The following BCAS3 variants were observed in gnomAD, a reference collection of about 807,000 sequenced individuals.
The protein encoded by BCAS3 is BCAS4/BCAS3 fusion.
BCAS3 carries 53 observed loss-of-function variants against 116.1 expected under a neutral mutation model. The ratio of observed to expected loss-of-function variants is 0.46; its 90% CI spans 0.37 to 0.57. The LOEUF (loss-of-function observed/expected upper bound fraction) is 0.57, where lower values mean the gene tolerates loss of function less well. BCAS3 is among the 20% of genes least tolerant of loss of function. The pLI, the probability that BCAS3 is intolerant of heterozygous loss-of-function variation, is 0.00. For synonymous variants in BCAS3, 391 were observed against 408.2 expected (o/e 0.96, Z 0.51); for missense variants, 917 against 1,165.4 (o/e 0.79, Z 3.10).
chr17:61,027,028 C>T, intron 16 of BCAS3: 2 of 840,058 alleles, frequency 2.4e-6, no homozygotes, highest in Non-Finnish European at 3.7e-6. Flanking sequence ...CACCAAGTTA[C>T]TGAATAATTT....
At chr17:60,987,588 A>G (rs571778738) in intron 14 of BCAS3, among the ~76,000 whole-genome samples, 2 of 151,988 alleles carry the variant, frequency 1.3e-5, no homozygotes, top group Admixed American at 1.3e-4. Flanking sequence ...ATTTATTTGT[A>G]GCTATTGTAA....
chr17:61,116,098 G>A (rs1051141613), intron 22 of BCAS3, among the ~76,000 whole-genome samples: 1 of 144,176 alleles, frequency 6.9e-6, no homozygotes, highest in African/African-American at 2.6e-5. Context: ...TGGTAGGGTA[G>A]GGGGAGGGGG....
chr17:61,295,835 A>G (rs916572340), intron 22 of BCAS3, among the ~76,000 whole-genome samples: 4 of 151,798 alleles, frequency 2.6e-5, no homozygotes, highest in South Asian at 2.1e-4. Context: ...CACATCTGTA[A>G]TCCCAGCTAC....
chr17:61,197,037 G>A (rs962923022), intron 22 of BCAS3, among the ~76,000 whole-genome samples: 5 of 152,152 alleles, frequency 3.3e-5, no homozygotes, highest in Admixed American at 1.3e-4. Context: ...ATAATACATC[G>A]TTATTGCACA....
intron 4 of BCAS3, among the ~76,000 whole-genome samples, chr17:60,705,303 T>C (rs184918550): frequency 6.6e-6 from 1 of 152,078 alleles, no homozygotes. Flanking sequence ...CAGATCACCT[T>C]AGGTCAGGAG....
chr17:61,074,861 C>T lies in BCAS3; in HGVS notation c.2030-59C>T, dbSNP rs757014175. On this transcript the variant is annotated intron_variant, in intron 19 of 23. Coordinates refer to ENST00000407086, the MANE Select transcript of BCAS3 (RefSeq NM_017679.5). Reference sequence around the variant, plus strand: ...ATAGTATCCAAAATGGTTGTGCCCACGTCTGTTTTTCCACTGCATGGAATG... The same window carrying T: ...ATAGTATCCAAAATGGTTGTGCCCATGTCTGTTTTTCCACTGCATGGAATG... 45 of 1,172,520 alleles carry T rather than the reference C, an allele frequency of 3.8e-5. 1 individual carries two copies. Among genetic ancestry groups the T allele is most frequent in the Non-Finnish European group, 4.8e-5 (39 of 810,356 alleles). The allele number at this position is 1,172,520 out of a possible 1,614,324, so 72.6% of individuals were successfully genotyped here.
intron 16 of BCAS3, chr17:61,027,021 C>A: frequency 3.5e-6 from 3 of 854,436 alleles, no homozygotes; most frequent in Non-Finnish European, 5.5e-6. Flanking sequence ...ATAGATGCAC[C>A]AAGTTACTGA....
chr17:60,761,841 A>G (rs1246603178), intron 6 of BCAS3, among the ~76,000 whole-genome samples: 4 of 139,758 alleles, frequency 2.9e-5, no homozygotes, highest in East Asian at 1.9e-4. Flanking sequence ...AAGTGTTCCT[A>G]TTTCTCCACA....
intron 22 of BCAS3, among the ~76,000 whole-genome samples, chr17:61,119,957 A>G (rs1185332509): frequency 6.6e-6 from 1 of 152,104 alleles, no homozygotes; most frequent in Non-Finnish European, 1.5e-5. Context: ...CTATGTAAAG[A>G]AAACTATGAA....
chr17:60,796,785 C>A (rs1296577414), intron 6 of BCAS3, among the ~76,000 whole-genome samples: 1 of 151,992 alleles, frequency 6.6e-6, no homozygotes, highest in Non-Finnish European at 1.5e-5. Context: ...TTCTCTAGTT[C>A]CTTGAGGTGT....
intron 5 of BCAS3, among the ~76,000 whole-genome samples, chr17:60,716,230 A>G (rs142176445): frequency 1.1e-3 from 160 of 152,334 alleles, no homozygotes; most frequent in Admixed American, 2.7e-3. Flanking sequence ...GGTAAGCACA[A>G]TAGATGTGGT....
intron 22 of BCAS3, among the ~76,000 whole-genome samples, chr17:61,116,241 TAAAA>T (rs1394617446): frequency 1.4e-5 from 1 of 73,042 alleles, no homozygotes; most frequent in Non-Finnish European, 2.8e-5. Flanking sequence ...TAAAGTATAA[TAAAA>T]AAATAAATAA....
chr17:61,176,392 C>T (rs1030232513), intron 22 of BCAS3, among the ~76,000 whole-genome samples: 2 of 149,984 alleles, frequency 1.3e-5, no homozygotes, highest in African/African-American at 2.4e-5. Context: ...TTTCATTTTA[C>T]TCAGTGATAT....
chr17:60,761,755 G>C (rs1054768715), intron 6 of BCAS3, among the ~76,000 whole-genome samples: 4 of 146,394 alleles, frequency 2.7e-5, no homozygotes, highest in Non-Finnish European at 5.9e-5. Flanking sequence ...GGTATTTCTA[G>C]TTCTAGATCC....
At chr17:61,310,363 G>A (rs2054199173) in intron 22 of BCAS3, among the ~76,000 whole-genome samples, 1 of 152,074 alleles carries the variant, frequency 6.6e-6, no homozygotes, top group South Asian at 2.1e-4. Context: ...AGACCAGCCT[G>A]GCCAACATGG....
rs2069436195 is a variant in BCAS3 at position 61,056,818 on chromosome 17, C to T, written c.2029+15926C>T. Among the ~76,000 whole-genome samples, 1 of 152,206 alleles carries T rather than the reference C, an allele frequency of 6.6e-6. No homozygotes were observed. Among genetic ancestry groups the T allele is most frequent in the South Asian group, 2.1e-4 (1 of 4,834 alleles). ...AGAGGTGTTATCTCCATAAAAATGA[C>T]CATTGCATCCATGCACAGATTTTTT... On this transcript the variant is annotated intron_variant, in intron 19 of 23. Coordinates refer to ENST00000407086, the MANE Select transcript of BCAS3 (RefSeq NM_017679.5). This position sits in a 1 kb window ranked among gnomAD's most constrained non-coding sequence, Gnocchi z 4.9.
chr17:60,985,886 G>A (rs139370152), intron 14 of BCAS3, among the ~76,000 whole-genome samples: 2 of 152,170 alleles, frequency 1.3e-5, no homozygotes, highest in Admixed American at 6.5e-5. Flanking sequence ...ACAGGCGCAC[G>A]CCAACACACC....
chr17:60,763,482 A>G (rs1213288382), intron 6 of BCAS3, among the ~76,000 whole-genome samples: 1 of 152,034 alleles, frequency 6.6e-6, no homozygotes, highest in Non-Finnish European at 1.5e-5. Context: ...GGTTCTGTTT[A>G]TGTGATGGAT....
chr17:60,887,941 A>C (rs764580672), intron 9 of BCAS3, among the ~76,000 whole-genome samples: 1 of 152,216 alleles, frequency 6.6e-6, no homozygotes, highest in Non-Finnish European at 1.5e-5. Flanking sequence ...TTCTTTTAAC[A>C]TCCAGTTCTC....
Sources: gnomAD v4.1 joint callset for allele counts (sites outside exome capture counted in the v4.1 genomes callset) on GRCh38, gnomAD v4.1.1 for gene constraint, Gnocchi (gnomAD v3.1) non-coding constraint, MANE v1.5 for transcripts, NCBI Gene and HGNC (gene_info 2026-07-23, HGNC 2026-07-21) for gene names.